Variants in RNF216 observed in about 807,000 individuals in gnomAD.
RNF216 encodes the protein E3 ubiquitin-protein ligase RNF216.
RNF216 carries 72 observed loss-of-function variants against 110.8 expected under a neutral mutation model. The ratio of observed to expected loss-of-function variants is 0.65; its 90% CI spans 0.54 to 0.79. The LOEUF is 0.79. Ranked by LOEUF, RNF216 falls within the 30% of genes least tolerant of loss-of-function variation. The pLI, the probability that RNF216 is intolerant of heterozygous loss-of-function variation, is 0.00. For missense variants in RNF216, 1,342 were observed against 1,141.2 expected (o/e 1.18, Z -2.54); for synonymous variants, 495 against 407.5 (o/e 1.21, Z -2.59).
intron 8 of RNF216, among the ~76,000 whole-genome samples, 171 bp downstream of exon 8, chr7:5,725,153 C>T (rs1469137913): frequency 6.6e-6 from 1 of 152,184 alleles, no homozygotes; most frequent in Non-Finnish European, 1.5e-5. Context: ...CAAGTGCAGC[C>T]ACTTCCTAAA....
chr7:5,626,225 G>A (rs557923047), intron 15 of RNF216, among the ~76,000 whole-genome samples: 2 of 152,126 alleles, frequency 1.3e-5, no homozygotes, highest in Admixed American at 6.6e-5. Flanking sequence ...CTCCACAAGG[G>A]GGAACTTACT....
At chr7:5,639,914 C>G (rs1430086390) in intron 15 of RNF216, among the ~76,000 whole-genome samples, 1 of 152,092 alleles carries the variant, frequency 6.6e-6, no homozygotes, top group Admixed American at 6.5e-5. Context: ...CGCCTGCCAC[C>G]ACGCCCGGCT....
intron 13 of RNF216, among the ~76,000 whole-genome samples, chr7:5,682,413 T>A (rs1045294327): frequency 8.8e-5 from 12 of 135,832 alleles, no homozygotes; most frequent in East Asian, 2.0e-4. Context: ...ATTTTTTTTC[T>A]TTTTTTTTTT....
At chr7:5,692,729 T>C (rs913135699) in intron 13 of RNF216, among the ~76,000 whole-genome samples, 6 of 152,228 alleles carry the variant, frequency 3.9e-5, no homozygotes, top group Admixed American at 1.3e-4. Context: ...AGCTTGGAGT[T>C]TGAAAATACA....
intron 13 of RNF216, among the ~76,000 whole-genome samples, chr7:5,653,789 G>T (rs1377487896): frequency 6.6e-6 from 1 of 152,098 alleles, no homozygotes; most frequent in Non-Finnish European, 1.5e-5. Context: ...GAGATCCAAA[G>T]GACGAGTCAA....
intron 1 of RNF216, among the ~76,000 whole-genome samples, chr7:5,774,816 T>C (rs1206756409): frequency 6.6e-6 from 1 of 152,044 alleles, no homozygotes; most frequent in Non-Finnish European, 1.5e-5. Context: ...TGGAGTGCAA[T>C]GGTGCAATCT....
intron 7 of RNF216, among the ~76,000 whole-genome samples, chr7:5,728,573 CAAAAAAAAAAA>C (rs1793901520): frequency 7.8e-6 from 1 of 128,850 alleles, no homozygotes; most frequent in Non-Finnish European, 1.7e-5. Context: ...GACTCCGTCT[CAAAAAAAAAAA>C]GAAAAAGAAA....
chr7:5,689,325 T>A (rs1408688167), intron 13 of RNF216, among the ~76,000 whole-genome samples: 2 of 144,716 alleles, frequency 1.4e-5, no homozygotes, highest in Admixed American at 1.4e-4. Context: ...CATGACTCAC[T>A]CCAAGACTTT....
At chr7:5,751,014 T>G (rs1358350806) in intron 3 of RNF216, among the ~76,000 whole-genome samples, 3 of 152,242 alleles carry the variant, frequency 2.0e-5, no homozygotes, top group Non-Finnish European at 4.4e-5. Context: ...GTCTAGCTAT[T>G]TGGTTTTAGT....
chr7:5,769,624 C>G (rs1796389517), intron 1 of RNF216, among the ~76,000 whole-genome samples: 2 of 151,420 alleles, frequency 1.3e-5, no homozygotes, highest in Non-Finnish European at 2.9e-5. Flanking sequence ...CATGGGAGGC[C>G]GGGGAGGGAG....
At chr7:5,626,722 G>A (rs1027328698) in intron 15 of RNF216, among the ~76,000 whole-genome samples, 66 of 152,084 alleles carry the variant, frequency 4.3e-4, no homozygotes, top group African/African-American at 1.5e-3. Flanking sequence ...TGCAGCAGGA[G>A]GGCCGTGGGC....
chr7:5,694,012 G>C (rs1791484373), intron 13 of RNF216, among the ~76,000 whole-genome samples: 1 of 152,162 alleles, frequency 6.6e-6, no homozygotes, highest in South Asian at 2.1e-4. Flanking sequence ...CATGAGAGAA[G>C]CACAGTGAGA....
rs34530431 is a variant in RNF216, at chr7:5,653,600, C to CAAAA, written c.2062-1094_2062-1091dup. On this transcript the variant is annotated intron_variant, in intron 13 of 16. Coordinates refer to ENST00000389902, the MANE Select transcript of RNF216 (RefSeq NM_207111.4). ...TGGGCGACAGAGCAAGACTCTGTCT[C>CAAAA]AAAAAAAAAAAAAAAAAAAAAAAAG... Among the ~76,000 whole-genome samples, 14 of 50,466 alleles carry CAAAA rather than the reference C, an allele frequency of 2.8e-4. No individual in the cohort carries two copies. The East Asian group carries it at 2.9e-3, about 10-fold the overall frequency. 33.1% of individuals were successfully genotyped at this position (50,466 alleles called of 152,430 possible). A position where few individuals can be genotyped will look rare whatever the true frequency, so the allele number is the denominator to read the frequency against.
At chr7:5,770,533 G>T (rs1392492411) in intron 1 of RNF216, among the ~76,000 whole-genome samples, 1 of 151,784 alleles carries the variant, frequency 6.6e-6, no homozygotes, top group Non-Finnish European at 1.5e-5. Flanking sequence ...ATTCACGGGT[G>T]GGAAAGTTCA....
chr7:5,703,577 G>A (rs1170526231), intron 13 of RNF216, among the ~76,000 whole-genome samples: 2 of 152,210 alleles, frequency 1.3e-5, no homozygotes, highest in Non-Finnish European at 2.9e-5. Flanking sequence ...ATGCTACAAA[G>A]AATAGGATGG....
chr7:5,741,068 T>A lies in RNF216; in HGVS notation c.949A>T (p.Met317Leu), dbSNP rs375136020. Reference protein sequence around the residue: ...DDEEPGPAFPMQESQEPNLEN... With the variant: ...DDEEPGPAFPLQESQEPNLEN... ...AAATTGGGCTCTTGAGATTCTTGCA[T>A]TGGAAAGGCTGGACCTGGCTCTTCA... Residue 317 changes from methionine (M) to leucine (L), a missense_variant, in exon 4 of 17, where the codon ATG (methionine) becomes TTG (leucine). By Grantham distance (15) the Met-to-Leu change is conservative (BLOSUM62 2). Transcript: ENST00000389902. 1 of 1,614,168 alleles carries A rather than the reference T, an allele frequency of 6.2e-7. No homozygotes were observed. Among genetic ancestry groups the A allele is most frequent in the African/African-American group, 1.3e-5 (1 of 75,026 alleles).
intron 2 of RNF216, among the ~76,000 whole-genome samples, chr7:5,753,719 G>A (rs750906003): frequency 2.8e-4 from 43 of 152,136 alleles, no homozygotes; most frequent in African/African-American, 7.2e-4. Flanking sequence ...AGCATTGGCC[G>A]GGAGCAGTGG....
At chr7:5,758,480 G>A (rs923489008) in intron 2 of RNF216, among the ~76,000 whole-genome samples, 2 of 152,144 alleles carry the variant, frequency 1.3e-5, no homozygotes, top group African/African-American at 4.8e-5. Flanking sequence ...AACAGTGTGG[G>A]TCCCCTTATT....
intron 13 of RNF216, among the ~76,000 whole-genome samples, chr7:5,676,158 T>C (rs936001304): frequency 3.9e-5 from 6 of 151,928 alleles, no homozygotes; most frequent in Non-Finnish European, 5.9e-5. Context: ...TACAGGCATA[T>C]GCCACCAGGC....
Sources: gnomAD v4.1 joint callset for allele counts (sites outside exome capture counted in the v4.1 genomes callset) on GRCh38, gnomAD v4.1.1 for gene constraint, MANE v1.5 for transcripts, NCBI Gene and HGNC (gene_info 2026-07-23, HGNC 2026-07-21) for gene names.